The following KCTD16 variants were observed in gnomAD, a reference collection of about 807,000 sequenced individuals.
The protein encoded by KCTD16 is BTB/POZ domain-containing protein KCTD16.
A neutral mutation model predicts 33.2 loss-of-function variants in KCTD16; 13 were observed. The ratio of observed to expected loss-of-function variants is 0.39; its 90% CI spans 0.25 to 0.62. The LOEUF (loss-of-function observed/expected upper bound fraction) is 0.62, where lower values mean the gene tolerates loss of function less well. Ranked by LOEUF, KCTD16 falls within the 20% of genes least tolerant of loss-of-function variation. The probability of loss-of-function intolerance (pLI) is 0.50; values close to 1 mark genes in which losing one functional copy is unlikely to be tolerated. For synonymous variants in KCTD16, 197 were observed against 195.3 expected, an observed-to-expected ratio of 1.01 and a Z score of -0.07; for missense variants, 441 against 525.1, an observed-to-expected ratio of 0.84 and a Z score of 1.57.
At position 144,378,956 on chromosome 5, in the gene KCTD16, A is replaced by G. The variant is rs548989190; in HGVS notation, c.833-94704A>G. ...CATCCGTGAAATGGGATTTGGCGAT[A>G]TTAATTGTGGCCTTTCTCTTAGATG... On this transcript the variant is annotated intron_variant, in intron 3 of 3. Transcript: ENST00000512467. Among the ~76,000 whole-genome samples, 6 of 152,288 alleles carry G rather than the reference A, an allele frequency of 3.9e-5. No homozygotes were observed. In the South Asian group the frequency reaches 1.2e-3, roughly 32 times the overall value.
chr5:144,266,985 C>G (rs952925296), intron 3 of KCTD16, among the ~76,000 whole-genome samples: 2 of 152,150 alleles, frequency 1.3e-5, no homozygotes. Context: ...TTTTTGCTAA[C>G]TAATTCACTG....
intron 3 of KCTD16, among the ~76,000 whole-genome samples, chr5:144,393,884 A>G (rs574017250): frequency 6.6e-6 from 1 of 150,622 alleles, no homozygotes; most frequent in South Asian, 2.1e-4. Context: ...ATTTGTTTAA[A>G]GCTCTCTAAC....
chr5:144,186,959 TAA>T (rs1752739128), intron 2 of KCTD16, among the ~76,000 whole-genome samples: 1 of 152,108 alleles, frequency 6.6e-6, no homozygotes, highest in Non-Finnish European at 1.5e-5. Flanking sequence ...ACAAAAATAA[TAA>T]TGATCCCTTC....
At chr5:144,329,264 TG>T (rs1288354185) in intron 3 of KCTD16, among the ~76,000 whole-genome samples, 1 of 152,164 alleles carries the variant, frequency 6.6e-6, no homozygotes, top group Admixed American at 6.6e-5. Context: ...TTTATTTGCT[TG>T]GTTCACTCAA....
At chr5:144,294,789 T>C (rs1374996013) in intron 3 of KCTD16, among the ~76,000 whole-genome samples, 2 of 152,204 alleles carry the variant, frequency 1.3e-5, no homozygotes, top group African/African-American at 4.8e-5. Context: ...CCTTTATCAG[T>C]AACGGTTGTC....
At chr5:144,198,472 C>A (rs1248582804) in intron 2 of KCTD16, among the ~76,000 whole-genome samples, 1 of 152,198 alleles carries the variant, frequency 6.6e-6, no homozygotes, top group Non-Finnish European at 1.5e-5. Context: ...GCTCCTTGAG[C>A]TAAATCTTTC....
chr5:144,388,065 G>GTTTTTTTTTTTTTTTTTTTT lies in KCTD16; in HGVS notation c.833-85584_833-85565dup, dbSNP rs397999492. Among the ~76,000 whole-genome samples the GTTTTTTTTTTTTTTTTTTTT allele has an allele frequency of 2.6e-4, 19 of 73,662 alleles. 4 individuals are homozygous for GTTTTTTTTTTTTTTTTTTTT. The highest frequency in any genetic ancestry group is 1.1e-3 in the African/African-American group (18 of 16,102). 48.3% of individuals were successfully genotyped at this position (73,662 alleles called of 152,430 possible). ...AATCCAGAGTTCAATTTTAGAGCAA[G>GTTTTTTTTTTTTTTTTTTTT]TTTTTTTTTTTTTTTTTTTTTTTTT... is the stretch of plus-strand genomic sequence containing the variant. On this transcript the variant is annotated intron_variant, in intron 3 of 3. Coordinates refer to ENST00000512467, the MANE Select transcript of KCTD16 (RefSeq NM_020768.4).
In KCTD16 at chr5:144,474,310, A is replaced by T. The variant is rs905254506; in HGVS notation, c.*196A>T. 2 of 543,018 alleles carry T rather than the reference A, an allele frequency of 3.7e-6. No individual in the cohort carries two copies. Among genetic ancestry groups the T allele is most frequent in the Non-Finnish European group, 6.4e-6 (2 of 310,116 alleles). 33.6% of individuals were successfully genotyped at this position (543,018 alleles called of 1,614,324 possible). A position where few individuals can be genotyped will look rare whatever the true frequency, so the allele number is the denominator to read the frequency against. On this transcript the variant is annotated 3_prime_UTR_variant, in exon 4 of 4. Transcript: ENST00000512467. The stretch of plus-strand genomic sequence containing the variant: ...ATCCACAGGGTAGATTTCTTTCTAG[A>T]TGTGGAAGTACAAGAAAATCTTTTT...
intron 3 of KCTD16, among the ~76,000 whole-genome samples, chr5:144,229,969 A>G (rs1334781631): frequency 6.6e-6 from 1 of 152,070 alleles, no homozygotes; most frequent in Non-Finnish European, 1.5e-5. Context: ...TGGTGAAACC[A>G]TATCTCTACT....
chr5:144,299,120 ATATATATATATATATATATATATATATAT>A (rs1316618625), intron 3 of KCTD16, among the ~76,000 whole-genome samples: 331 of 20,974 alleles, frequency 0.016, 23 homozygotes, highest in African/African-American at 0.068. Context: ...ATATATATAT[ATATATATATATATATATATATATATATAT>A]TTTTTTTTTT....
intron 3 of KCTD16, among the ~76,000 whole-genome samples, chr5:144,454,469 ATTCTTAAGAT>A (rs1189356342): frequency 1.3e-5 from 2 of 150,776 alleles, no homozygotes; most frequent in Admixed American, 1.3e-4. Context: ...TTGAAGCCAA[ATTCTTAAGAT>A]TTCCAAATTA....
intron 3 of KCTD16, among the ~76,000 whole-genome samples, chr5:144,363,857 T>G (rs943944067): frequency 3.3e-5 from 5 of 152,350 alleles, no homozygotes; most frequent in African/African-American, 1.2e-4. Flanking sequence ...ATACATTCCC[T>G]GCAACTAGTG....
chr5:144,222,310 A>G lies in KCTD16; in HGVS notation c.832+14764A>G, dbSNP rs138789528. On this transcript the variant is annotated intron_variant, in intron 3 of 3. Transcript: ENST00000512467. The stretch of plus-strand genomic sequence containing the variant: ...TATTTTAATGGGCAAATACATTTCT[A>G]TTATTTAAATTATTATAAGACTAGC... Among the ~76,000 whole-genome samples the G allele has an allele frequency of 2.2e-3, 342 of 152,302 alleles. 3 individuals carry two copies. Among genetic ancestry groups the G allele is most frequent in the African/African-American group, 7.5e-3 (311 of 41,572 alleles).
intron 3 of KCTD16, among the ~76,000 whole-genome samples, chr5:144,354,708 G>T (rs1022216396): frequency 6.6e-6 from 1 of 152,150 alleles, no homozygotes; most frequent in African/African-American, 2.4e-5. Context: ...CTGCTTTGCT[G>T]AGCCTGAGCA....
At chr5:144,339,568 C>T (rs1752575875) in intron 3 of KCTD16, among the ~76,000 whole-genome samples, 1 of 152,138 alleles carries the variant, frequency 6.6e-6, no homozygotes, top group South Asian at 2.1e-4. Flanking sequence ...ATTCTTTCTC[C>T]ATAATGCCTG....
At chr5:144,425,437 C>G (rs181275533) in intron 3 of KCTD16, among the ~76,000 whole-genome samples, 2 of 151,838 alleles carry the variant, frequency 1.3e-5, no homozygotes, top group East Asian at 3.9e-4. Context: ...ACCTAGAGTA[C>G]TGGGGTCTCT....
At chr5:144,205,938 G>T (rs7732181) in intron 2 of KCTD16, 8,933 of 174,646 alleles carry the variant, frequency 0.051, 714 homozygotes, top group African/African-American at 0.18. Context: ...TACCTGTTTG[G>T]GATTTGACAA....
intron 3 of KCTD16, among the ~76,000 whole-genome samples, chr5:144,414,434 G>A (rs1032647795): frequency 2.6e-5 from 4 of 152,122 alleles, no homozygotes; most frequent in African/African-American, 9.7e-5. Flanking sequence ...TGGGAAAGAT[G>A]GAACCACTAA....
intron 3 of KCTD16, among the ~76,000 whole-genome samples, chr5:144,292,609 T>C (rs774351154): frequency 5.9e-5 from 9 of 152,146 alleles, no homozygotes; most frequent in Non-Finnish European, 1.0e-4. Flanking sequence ...ATTCTGTAAC[T>C]TTAGGTGCAT....
Sources: gnomAD v4.1 joint callset for allele counts (sites outside exome capture counted in the v4.1 genomes callset) on GRCh38, gnomAD v4.1.1 for gene constraint, MANE v1.5 for transcripts, NCBI Gene and HGNC (gene_info 2026-07-23, HGNC 2026-07-21) for gene names.